The following TYW1B variants were observed in gnomAD, a reference collection of about 807,000 sequenced individuals.
TYW1B encodes the protein tRNA-yW synthesizing protein 1 homolog B.
Under a neutral mutation model 86.9 loss-of-function variants are expected in TYW1B, and 73 were observed. The observed-to-expected ratio is 0.84, with a 90% confidence interval of 0.70 to 1.02. TYW1B has a LOEUF of 1.02. Ranked by LOEUF, TYW1B falls within the 50% of genes least tolerant of loss-of-function variation. The probability of loss-of-function intolerance (pLI) is 0.00; values close to 1 mark genes in which losing one functional copy is unlikely to be tolerated. For missense variants in TYW1B, 637 were observed against 827.4 expected, an observed-to-expected ratio of 0.77 and a Z score of 2.82; for synonymous variants, 248 against 292.8, an observed-to-expected ratio of 0.85 and a Z score of 1.56.
chr7:72,817,828 TTGGTTACACCCTA>T (rs1368291529), intron 2 of TYW1B, among the ~76,000 whole-genome samples: 5 of 152,072 alleles, frequency 3.3e-5, no homozygotes, highest in African/African-American at 1.2e-4. Context: ...AGGCTTCCAA[TTGGTTACACCCTA>T]TGCAAATGAA....
chr7:72,677,796 G>A (rs566390928), intron 11 of TYW1B, among the ~76,000 whole-genome samples: 1 of 152,152 alleles, frequency 6.6e-6, no homozygotes, highest in East Asian at 1.9e-4. Context: ...CCATCTCCCG[G>A]GTTCAAGTGA....
At chr7:72,824,120 G>A (rs1190266347) in intron 2 of TYW1B, among the ~76,000 whole-genome samples, 1 of 151,828 alleles carries the variant, frequency 6.6e-6, no homozygotes, top group Non-Finnish European at 1.5e-5. Flanking sequence ...ACTGACCTTC[G>A]ACTGTAAAAT....
intron 9 of TYW1B, among the ~76,000 whole-genome samples, chr7:72,721,389 C>T (rs1786898949): frequency 6.6e-6 from 1 of 152,116 alleles, no homozygotes; most frequent in Non-Finnish European, 1.5e-5. Context: ...CCTATTTCTC[C>T]ACATCCTCTC....
intron 11 of TYW1B, among the ~76,000 whole-genome samples, chr7:72,649,670 T>A (rs1813014257): frequency 6.6e-6 from 1 of 152,104 alleles, no homozygotes; most frequent in Non-Finnish European, 1.5e-5. Flanking sequence ...ACAGCCAAAT[T>A]ATGCTTCACA....
chr7:72,760,306 G>A (rs936817128), intron 7 of TYW1B, among the ~76,000 whole-genome samples: 7 of 152,190 alleles, frequency 4.6e-5, no homozygotes, highest in African/African-American at 1.7e-4. Flanking sequence ...AAATCAAAGT[G>A]CATGAAAACT....
At chr7:72,670,614 C>T (rs1437677332) in intron 11 of TYW1B, among the ~76,000 whole-genome samples, 6 of 152,192 alleles carry the variant, frequency 3.9e-5, no homozygotes, top group African/African-American at 1.4e-4. Context: ...AGCATGGTGC[C>T]CTGGGAGTCA....
intron 12 of TYW1B, among the ~76,000 whole-genome samples, chr7:72,621,871 C>A (rs1419189109): frequency 6.6e-6 from 1 of 152,236 alleles, no homozygotes; most frequent in African/African-American, 2.4e-5. Flanking sequence ...GGGACTGCTA[C>A]GTATAAGAAA....
intron 11 of TYW1B, among the ~76,000 whole-genome samples, chr7:72,644,826 C>CTTTTTTTTTTTTTT: frequency 8.4e-6 from 1 of 119,628 alleles, no homozygotes; most frequent in Non-Finnish European, 1.7e-5. Context: ...CATGACTTTC[C>CTTTTTTTTTTTTTT]TTTTTTTTTT....
intron 11 of TYW1B, among the ~76,000 whole-genome samples, chr7:72,679,677 A>G (rs2129569911): frequency 6.6e-6 from 1 of 152,336 alleles, no homozygotes; most frequent in South Asian, 2.1e-4. Flanking sequence ...ATACTTTAAC[A>G]TGGTAAAAAC....
chr7:72,579,475 AT>A (rs1203426328), intron 13 of TYW1B, among the ~76,000 whole-genome samples: 3 of 152,178 alleles, frequency 2.0e-5, no homozygotes, highest in African/African-American at 7.2e-5. Flanking sequence ...ACAACAGAAA[AT>A]TCTTTTCTCA....
intron 6 of TYW1B, among the ~76,000 whole-genome samples, chr7:72,785,253 A>G (rs1468357254): frequency 1.5e-4 from 22 of 150,520 alleles, no homozygotes; most frequent in African/African-American, 5.3e-4. Context: ...TTGAAGACAT[A>G]TTCTTATATA....
intron 11 of TYW1B, among the ~76,000 whole-genome samples, chr7:72,660,373 C>CCAAA (rs540824257): frequency 6.4e-4 from 97 of 151,922 alleles, no homozygotes; most frequent in East Asian, 2.9e-3. Flanking sequence ...GTCCCTGTCT[C>CCAAA]CAAACAAACA....
chr7:72,718,540 C>A (rs1219863551), intron 9 of TYW1B, among the ~76,000 whole-genome samples: 1 of 151,838 alleles, frequency 6.6e-6, no homozygotes, highest in Non-Finnish European at 1.5e-5. Flanking sequence ...AAAATGAGAA[C>A]AATCTAAGCA....
chr7:72,645,993 T>G lies in TYW1B; in HGVS notation c.1507-16996A>C, dbSNP rs1475883060. The stretch of plus-strand genomic sequence containing the variant: ...TTATATATATTACATATGTTATATG[T>G]TATATATATTATATATATAAAGTAC... On this transcript the variant is annotated intron_variant, in intron 11 of 13. Coordinates refer to ENST00000620995, the MANE Select transcript of TYW1B (RefSeq NM_001145440.3). Among the ~76,000 whole-genome samples, 7 of 146,106 alleles carry G rather than the reference T, an allele frequency of 4.8e-5. No individual in the cohort carries two copies. The South Asian group carries it at 1.3e-3, about 27-fold the overall frequency.
chr7:72,659,857 C>T (rs782422100), intron 11 of TYW1B, among the ~76,000 whole-genome samples: 1 of 152,158 alleles, frequency 6.6e-6, no homozygotes, highest in Non-Finnish European at 1.5e-5. Context: ...GGAGGATGAA[C>T]GAGGAAGCCG....
intron 11 of TYW1B, among the ~76,000 whole-genome samples, chr7:72,644,523 G>A (rs537793413): frequency 3.3e-5 from 5 of 152,176 alleles, no homozygotes; most frequent in South Asian, 4.1e-4. Flanking sequence ...ACTCCAGCCC[G>A]GGCGACAGAG....
intron 13 of TYW1B, among the ~76,000 whole-genome samples, chr7:72,594,803 TG>T (rs1393467196): frequency 6.6e-6 from 1 of 152,214 alleles, no homozygotes; most frequent in African/African-American, 2.4e-5. Context: ...TTATATGCCC[TG>T]GACAAGTGGG....
At chr7:72,736,349 C>T (rs1254596285) in intron 8 of TYW1B, among the ~76,000 whole-genome samples, 2 of 152,176 alleles carry the variant, frequency 1.3e-5, no homozygotes, top group African/African-American at 4.8e-5. Flanking sequence ...TATAAGCATG[C>T]CAGGGCAAAT....
At chr7:72,705,168 C>T (rs1292290663) in intron 10 of TYW1B, among the ~76,000 whole-genome samples, 1 of 152,118 alleles carries the variant, frequency 6.6e-6, no homozygotes, top group African/African-American at 2.4e-5. Context: ...TAGCTGTTTT[C>T]TGGAACCATT....
Sources: allele counts gnomAD v4.1 joint callset (sites outside exome capture counted in the v4.1 genomes callset), GRCh38; gene constraint gnomAD v4.1.1; transcripts MANE v1.5; gene names NCBI Gene and HGNC (gene_info 2026-07-23, HGNC 2026-07-21).